Variants in PTPRD observed in about 807,000 individuals in gnomAD.
PTPRD encodes receptor-type tyrosine-protein phosphatase delta.
A neutral mutation model predicts 214.5 loss-of-function variants in PTPRD; 34 were observed. The observed-to-expected ratio is 0.16, with a 90% CI of 0.12 to 0.21. PTPRD has a LOEUF of 0.21. Among genes scored for constraint, PTPRD ranks in the 10% least tolerant of loss-of-function variants. PTPRD has a pLI of 1.00. For synonymous variants in PTPRD, 1,128 were observed against 845.7 expected, an observed-to-expected ratio of 1.33 and a Z score of -5.79; for missense variants, 2,545 against 2,398.7, an observed-to-expected ratio of 1.06 and a Z score of -1.27.
At chr9:10,343,556 G>A (rs2096988392) in intron 2 of PTPRD, among the ~76,000 whole-genome samples, 1 of 152,114 alleles carries the variant, frequency 6.6e-6, no homozygotes, top group African/African-American at 2.4e-5. Flanking sequence ...TCGCCACAAT[G>A]TCTTCCACAT....
chr9:8,474,199 C>T (rs1046193932), intron 30 of PTPRD, among the ~76,000 whole-genome samples: 2 of 152,222 alleles, frequency 1.3e-5, no homozygotes, highest in Admixed American at 6.5e-5. Flanking sequence ...TAGTAACAAA[C>T]CCCTTCTTTT....
rs750659786 is a variant in PTPRD at position 8,485,798 on chromosome 9, G to T, written c.3019C>A (p.Pro1007Thr). ...HTSKGPGPYS[P>T]SVQFRTLPVD... ...GGCAGTGTCCTGAACTGGACACTGG[G>T]ACTATATGGCCCGGGCCCTTTGCTC... Residue 1007 changes from proline to threonine, a missense_variant, in exon 28 of 46, where the codon CCC becomes ACC. By Grantham distance (38) the Pro-to-Thr change is conservative. Transcript: ENST00000381196. The T allele has an allele frequency of 6.2e-7, 1 of 1,613,724 alleles. No individual in the cohort carries two copies. Among genetic ancestry groups the T allele is most frequent in the South Asian group, 1.1e-5 (1 of 91,042 alleles).
chr9:9,928,527 A>T (rs2085150926), intron 5 of PTPRD, among the ~76,000 whole-genome samples: 1 of 152,178 alleles, frequency 6.6e-6, no homozygotes, highest in Admixed American at 6.5e-5. Context: ...TACACAAAGT[A>T]AAGAGATATT....
chr9:9,556,455 A>C (rs1277682666), intron 8 of PTPRD, among the ~76,000 whole-genome samples: 1 of 152,178 alleles, frequency 6.6e-6, no homozygotes, highest in African/African-American at 2.4e-5. Context: ...TTATTGTTCA[A>C]GGGTTCAACT....
chr9:8,319,053 CT>C (rs1824594740), intron 45 of PTPRD, among the ~76,000 whole-genome samples: 1 of 152,014 alleles, frequency 6.6e-6, no homozygotes, highest in Admixed American at 6.6e-5. Flanking sequence ...TCCAATTTCC[CT>C]CTGTAACCCC....
chr9:10,231,569 T>G (rs2099609983), intron 3 of PTPRD, among the ~76,000 whole-genome samples: 1 of 147,074 alleles, frequency 6.8e-6, no homozygotes, highest in Non-Finnish European at 1.5e-5. Flanking sequence ...GAGGAGGTGG[T>G]GCACATACAC....
rs1034080044 is a variant in PTPRD at position 9,666,674 on chromosome 9, G to A, written c.-287+67859C>T. 3.3e-5 allele frequency among the ~76,000 whole-genome samples: 5 copies of A among 151,956 alleles called. No individual in the cohort carries two copies. The East Asian group carries it at 9.7e-4, about 29-fold the overall frequency. On this transcript the variant is annotated intron_variant, in intron 7 of 45. Coordinates refer to ENST00000381196, the MANE Select transcript of PTPRD (RefSeq NM_002839.4). ...TTTGGCTTCTACTGTTCTACCTAAGGTCTTTACTTTCAACTGTCTTGTGGC... is the reference window on the plus strand; with the variant it reads ...TTTGGCTTCTACTGTTCTACCTAAGATCTTTACTTTCAACTGTCTTGTGGC...
chr9:8,380,955 T>C lies in PTPRD; in HGVS notation c.4387-4229A>G, dbSNP rs143446161. On this transcript the variant is annotated intron_variant, in intron 37 of 45. Transcript: ENST00000381196. ...TAAAGACTTACTGAGCATGGCAACA[T>C]GGCAAGGCATCAGAATTCCAACTGT... Among the ~76,000 whole-genome samples the C allele has an allele frequency of 8.0e-4, 122 of 152,276 alleles. 2 individuals carry two copies. Among genetic ancestry groups the C allele is most frequent in the Non-Finnish European group, 1.0e-3 (71 of 68,028 alleles).
rs551689460 is a variant in PTPRD at position 9,573,465 on chromosome 9, T to C, written c.-237+1267A>G. Among the ~76,000 whole-genome samples the C allele has an allele frequency of 2.6e-5, 4 of 151,628 alleles. No homozygotes were observed. The South Asian group carries it at 8.3e-4, about 31-fold the overall frequency. On this transcript the variant is annotated intron_variant, in intron 8 of 45. Transcript: ENST00000381196. ...ATTGGTTATATGGGTGTAATTCATT[T>C]TGTAACAATTCACTAAAACTGCGCA...
intron 10 of PTPRD, among the ~76,000 whole-genome samples, chr9:9,134,687 A>G (rs2154476997): frequency 6.6e-6 from 1 of 152,018 alleles, no homozygotes; most frequent in East Asian, 1.9e-4. Flanking sequence ...TCCTCTGGCT[A>G]TTTTGTCTTC....
rs1199459072 is a variant in PTPRD, at chr9:8,478,916, T to C, written c.3413+5203A>G. 2.6e-5 allele frequency among the ~76,000 whole-genome samples: 4 copies of C among 152,256 alleles called. No individual in the cohort carries two copies. In the East Asian group the frequency reaches 7.7e-4, roughly 29 times the overall value. The stretch of plus-strand genomic sequence containing the variant: ...TGGCCAGAAATGACAGCATGGTTTC[T>C]GTTGGTCAAGAAAACAGGTGTCAAT... On this transcript the variant is annotated intron_variant, in intron 30 of 45. Transcript: ENST00000381196.
intron 4 of PTPRD, among the ~76,000 whole-genome samples, chr9:10,027,505 T>C (rs1567173003): frequency 6.6e-6 from 1 of 152,180 alleles, no homozygotes; most frequent in Non-Finnish European, 1.5e-5. Flanking sequence ...GATTAATATT[T>C]GGTCAAGTGT....
intron 37 of PTPRD, among the ~76,000 whole-genome samples, chr9:8,388,302 CA>C (rs1193398454): frequency 1.3e-5 from 2 of 152,152 alleles, no homozygotes; most frequent in African/African-American, 2.4e-5. Context: ...AATGGGGAAT[CA>C]GGCTTTCTTC....
intron 2 of PTPRD, among the ~76,000 whole-genome samples, chr9:10,536,200 A>G (rs1453382774): frequency 6.6e-6 from 1 of 152,166 alleles, no homozygotes; most frequent in Non-Finnish European, 1.5e-5. Context: ...ATACACATAT[A>G]CAGGTGAATT....
At chr9:9,303,336 T>A (rs912236035) in intron 9 of PTPRD, among the ~76,000 whole-genome samples, 5 of 151,988 alleles carry the variant, frequency 3.3e-5, no homozygotes, top group Non-Finnish European at 7.4e-5. Context: ...ATTTTAAAAA[T>A]CACATATGGG....
intron 43 of PTPRD, among the ~76,000 whole-genome samples, chr9:8,338,313 A>G (rs1848970714): frequency 6.6e-6 from 1 of 152,062 alleles, no homozygotes; most frequent in Admixed American, 6.6e-5. Context: ...TGAACCTTGG[A>G]CTCAACAATC....
Position 8,437,758 on chromosome 9 carries a change from G to A in PTPRD, c.3989-1069C>T, listed in dbSNP as rs1275352783. 2.0e-5 allele frequency among the ~76,000 whole-genome samples: 3 copies of A among 152,124 alleles called. No individual in the cohort carries two copies. The East Asian group carries it at 5.8e-4, about 29-fold the overall frequency. Reference sequence around the variant, plus strand: ...GGTGAAAAGACAGGAGGGAAAGAGGGTGAAGAAAGAAGGAAAGCAGAGATG... The same window carrying A: ...GGTGAAAAGACAGGAGGGAAAGAGGATGAAGAAAGAAGGAAAGCAGAGATG... On this transcript the variant is annotated intron_variant, in intron 34 of 45. Transcript: ENST00000381196.
At chr9:9,512,179 T>C (rs371000735) in intron 8 of PTPRD, among the ~76,000 whole-genome samples, 3 of 151,920 alleles carry the variant, frequency 2.0e-5, no homozygotes, top group African/African-American at 7.2e-5. Context: ...GACCCAACAG[T>C]GTCTAGCAAA....
chr9:10,530,921 G>A lies in PTPRD; in HGVS notation c.-600+81477C>T, dbSNP rs543461039. 1.9e-4 allele frequency among the ~76,000 whole-genome samples: 29 copies of A among 151,720 alleles called. No homozygotes were observed. In the South Asian group the frequency reaches 5.8e-3, roughly 30 times the overall value. On this transcript the variant is annotated intron_variant, in intron 2 of 45. Coordinates refer to ENST00000381196, the MANE Select transcript of PTPRD (RefSeq NM_002839.4). ...AAATCCACCATAGTTATAATTAATC[G>A]ATACAGACAATGGATGCTAAAATCA...
Sources: allele counts gnomAD v4.1 joint callset (sites outside exome capture counted in the v4.1 genomes callset), GRCh38; gene constraint gnomAD v4.1.1; transcripts MANE v1.5; gene names NCBI Gene and HGNC (gene_info 2026-07-23, HGNC 2026-07-21).